BMPR1B: variants seen among roughly 807,000 people sequenced by gnomAD.
The protein encoded by BMPR1B is bone morphogenetic protein receptor type-1B.
Under a neutral mutation model 59.1 loss-of-function variants are expected in BMPR1B, and 12 were observed. The ratio of observed to expected loss-of-function variants is 0.20; its 90% CI spans 0.13 to 0.33. The LOEUF (loss-of-function observed/expected upper bound fraction) is 0.33. Ranked by LOEUF, BMPR1B falls within the 10% of genes least tolerant of loss-of-function variation. The probability of loss-of-function intolerance (pLI) is 1.00; values close to 1 mark genes in which losing one functional copy is unlikely to be tolerated. For missense variants in BMPR1B, 550 were observed against 610.9 expected (o/e 0.90, Z 1.05); for synonymous variants, 237 against 207.3 (o/e 1.14, Z -1.23).
rs145687112 is a variant in BMPR1B, at chr4:95,124,098, A to G, written c.446+192A>G. Among the ~76,000 whole-genome samples the G allele has an allele frequency of 1.9e-4, 29 of 152,156 alleles. No homozygotes were observed. In the East Asian group the frequency reaches 5.4e-3, roughly 28 times the overall value. ...GAAGTTACAAATAGATACCTATCTC[A>G]TTTCTGCTTCAGACTTCAAAACTAC... On this transcript the variant is annotated intron_variant, in intron 7 of 12. Transcript: ENST00000515059.
intron 2 of BMPR1B, among the ~76,000 whole-genome samples, chr4:94,963,419 C>T (rs946674870): frequency 2.6e-5 from 4 of 152,042 alleles, no homozygotes; most frequent in Admixed American, 6.6e-5. Context: ...ATACTTGCCC[C>T]GACCAACATC....
intron 10 of BMPR1B, among the ~76,000 whole-genome samples, chr4:95,142,890 A>T (rs918197629): frequency 6.6e-6 from 1 of 151,688 alleles, no homozygotes; most frequent in Admixed American, 6.6e-5. Flanking sequence ...CTTAATTAAC[A>T]TGAAAAACAT....
intron 3 of BMPR1B, among the ~76,000 whole-genome samples, chr4:95,086,717 A>G (rs1270142784): frequency 6.6e-6 from 1 of 152,170 alleles, no homozygotes; most frequent in Non-Finnish European, 1.5e-5. Context: ...CATTAGTGTA[A>G]TATTCCTTCA....
intron 1 of BMPR1B, among the ~76,000 whole-genome samples, chr4:94,851,707 A>C (rs10033559): frequency 0.61 from 92,378 of 151,784 alleles, 28,990 homozygotes; most frequent in African/African-American, 0.76. Flanking sequence ...TGATCACTTG[A>C]AATTTTATAT....
At chr4:95,082,525 G>A (rs935585243) in intron 3 of BMPR1B, among the ~76,000 whole-genome samples, 4 of 152,034 alleles carry the variant, frequency 2.6e-5, no homozygotes, top group African/African-American at 9.7e-5. Context: ...TTCTAAACCT[G>A]TAATAGGGGA....
chr4:94,808,010 T>A (rs1723676693), intron 1 of BMPR1B, among the ~76,000 whole-genome samples: 2 of 152,146 alleles, frequency 1.3e-5, no homozygotes, highest in Admixed American at 1.3e-4. Context: ...AAAATAATAA[T>A]GAAAACTTTT....
chr4:94,877,414 G>A (rs963721491), intron 2 of BMPR1B, among the ~76,000 whole-genome samples: 1 of 152,212 alleles, frequency 6.6e-6, no homozygotes, highest in African/African-American at 2.4e-5. Context: ...GTTGGGATGG[G>A]GTTAGAGAAC....
intron 3 of BMPR1B, among the ~76,000 whole-genome samples, chr4:95,067,977 C>G (rs1727974734): frequency 6.6e-6 from 1 of 152,062 alleles, no homozygotes; most frequent in African/African-American, 2.4e-5. Flanking sequence ...TAAACAAGTT[C>G]CACATAGAGG....
intron 3 of BMPR1B, among the ~76,000 whole-genome samples, chr4:95,065,586 C>G (rs1172658902): frequency 6.6e-6 from 1 of 152,062 alleles, no homozygotes; most frequent in Non-Finnish European, 1.5e-5. Flanking sequence ...AGTAAAATAT[C>G]TGTTAAGATT....
chr4:95,047,851 G>A (rs1726160080), intron 3 of BMPR1B, among the ~76,000 whole-genome samples: 1 of 152,048 alleles, frequency 6.6e-6, no homozygotes, highest in Admixed American at 6.6e-5. Flanking sequence ...TGTTACATGG[G>A]CATATTGTGT....
intron 3 of BMPR1B, among the ~76,000 whole-genome samples, chr4:95,063,731 A>G (rs999119060): frequency 7.9e-5 from 12 of 152,180 alleles, no homozygotes; most frequent in African/African-American, 2.4e-4. Flanking sequence ...AGGACACCCC[A>G]TACTCTTGAA....
chr4:95,099,342 G>T (rs1212127914), intron 3 of BMPR1B, among the ~76,000 whole-genome samples: 2 of 152,120 alleles, frequency 1.3e-5, no homozygotes, highest in Admixed American at 6.5e-5. Context: ...CAAGGAATTT[G>T]TAAATGCATT....
intron 1 of BMPR1B, among the ~76,000 whole-genome samples, chr4:94,801,488 T>G (rs1723405184): frequency 6.6e-6 from 1 of 152,184 alleles, no homozygotes; most frequent in African/African-American, 2.4e-5. Flanking sequence ...CCCTACCATA[T>G]CTTCTGGAAG....
intron 2 of BMPR1B, among the ~76,000 whole-genome samples, chr4:94,976,264 T>G (rs1560575890): frequency 6.6e-6 from 1 of 152,212 alleles, no homozygotes; most frequent in African/African-American, 2.4e-5. Flanking sequence ...TGTATTACAG[T>G]GAGCAAGGTG....
intron 3 of BMPR1B, among the ~76,000 whole-genome samples, chr4:95,075,825 A>G (rs904625316): frequency 6.6e-6 from 1 of 152,074 alleles, no homozygotes; most frequent in Non-Finnish European, 1.5e-5. Flanking sequence ...TTTGGTTTAT[A>G]TTACTGTAAG....
intron 1 of BMPR1B, among the ~76,000 whole-genome samples, chr4:94,798,148 A>G (rs1723265819): frequency 6.6e-6 from 1 of 152,240 alleles, no homozygotes; most frequent in Non-Finnish European, 1.5e-5. Context: ...TGAGTGGTAG[A>G]GGTAAGATTT....
intron 2 of BMPR1B, among the ~76,000 whole-genome samples, chr4:94,885,714 T>C (rs1341918173): frequency 6.6e-6 from 1 of 152,150 alleles, no homozygotes; most frequent in East Asian, 1.9e-4. Context: ...GATTTAAAAA[T>C]ATATGTAATC....
intron 1 of BMPR1B, among the ~76,000 whole-genome samples, chr4:94,773,558 ATTCTT>A (rs1309629846): frequency 2.0e-5 from 3 of 152,088 alleles, no homozygotes; most frequent in South Asian, 4.1e-4. Flanking sequence ...TAAATACTGT[ATTCTT>A]TTCTTAGAAT....
intron 3 of BMPR1B, among the ~76,000 whole-genome samples, chr4:95,010,367 G>GAC (rs1723132621): frequency 1.3e-5 from 2 of 152,120 alleles, no homozygotes; most frequent in South Asian, 4.1e-4. Flanking sequence ...ACCCCGAAGT[G>GAC]ACACCCTTCT....
Sources: allele counts gnomAD v4.1 joint callset (sites outside exome capture counted in the v4.1 genomes callset), GRCh38; gene constraint gnomAD v4.1.1; transcripts MANE v1.5; gene names NCBI Gene and HGNC (gene_info 2026-07-23, HGNC 2026-07-21).